The following CALD1 variants were observed in gnomAD, a reference collection of about 807,000 sequenced individuals.
CALD1 encodes the protein caldesmon.
CALD1 carries 33 observed loss-of-function variants against 99.9 expected under a neutral mutation model. The ratio of observed to expected loss-of-function variants is 0.33; its 90% CI spans 0.25 to 0.44. The LOEUF (loss-of-function observed/expected upper bound fraction) is 0.44, where lower values mean the gene tolerates loss of function less well. CALD1 is among the 20% of genes least tolerant of loss of function. CALD1 has a pLI of 1.00. For synonymous variants in CALD1, 310 were observed against 325.0 expected (o/e 0.95, Z 0.50); for missense variants, 861 against 962.1 (o/e 0.89, Z 1.39).
intron 2 of CALD1, among the ~76,000 whole-genome samples, chr7:134,849,405 C>T (rs532975795): frequency 2.0e-5 from 3 of 152,220 alleles, no homozygotes; most frequent in South Asian, 2.1e-4. Flanking sequence ...TCAGGACTCC[C>T]GAGGATACCA....
the CALD1 span, among the ~76,000 whole-genome samples, chr7:134,724,079 C>T: frequency 6.6e-6 from 1 of 152,196 alleles, no homozygotes; most frequent in Non-Finnish European, 1.5e-5. Context: ...AGAATCTGTC[C>T]ATAAAAGGGA....
At chr7:134,772,544 T>C (rs1208390199) in intron 1 of CALD1, among the ~76,000 whole-genome samples, 1 of 152,244 alleles carries the variant, frequency 6.6e-6, no homozygotes, top group East Asian at 1.9e-4. Flanking sequence ...CCTACTAACA[T>C]GGTCTTGCCT....
intron 1 of CALD1, among the ~76,000 whole-genome samples, chr7:134,826,279 C>T (rs1202355241): frequency 1.3e-5 from 2 of 152,158 alleles, no homozygotes; most frequent in African/African-American, 2.4e-5. Flanking sequence ...TACTCACCCA[C>T]GAGCACAGCT....
intron 13 of CALD1, among the ~76,000 whole-genome samples, chr7:134,964,836 C>T (rs1275382666): frequency 6.6e-6 from 1 of 152,138 alleles, no homozygotes; most frequent in Non-Finnish European, 1.5e-5. Flanking sequence ...GATCAATAAA[C>T]AGTAAGTCCT....
At chr7:134,733,637 T>C in the CALD1 span, among the ~76,000 whole-genome samples, 7 of 151,430 alleles carry the variant, frequency 4.6e-5, no homozygotes, top group African/African-American at 1.7e-4. Context: ...TGAAACCCCG[T>C]CTCTACTAAA....
intron 1 of CALD1, among the ~76,000 whole-genome samples, chr7:134,764,802 A>G (rs1366829700): frequency 6.6e-6 from 1 of 152,156 alleles, no homozygotes. Flanking sequence ...AGAAGCACCA[A>G]GACTGAAGTC....
chr7:134,964,379 A>G (rs978192424), intron 13 of CALD1, among the ~76,000 whole-genome samples: 5 of 152,162 alleles, frequency 3.3e-5, no homozygotes, highest in African/African-American at 1.2e-4. Flanking sequence ...GGACTGTTAA[A>G]CTTTCATCCC....
intron 3 of CALD1, among the ~76,000 whole-genome samples, chr7:134,883,843 C>A (rs945615590): frequency 6.6e-6 from 1 of 152,234 alleles, no homozygotes; most frequent in Non-Finnish European, 1.5e-5. Context: ...CGCGGTGGCT[C>A]ACGCCTGTAA....
intron 1 of CALD1, among the ~76,000 whole-genome samples, chr7:134,826,752 C>T (rs1395186753): frequency 6.6e-6 from 1 of 152,076 alleles, no homozygotes; most frequent in Admixed American, 6.6e-5. Context: ...TAATTGGGGC[C>T]TCCATCTCAA....
chr7:134,831,660 G>T (rs1799227161), intron 1 of CALD1, among the ~76,000 whole-genome samples: 1 of 152,056 alleles, frequency 6.6e-6, no homozygotes, highest in Non-Finnish European at 1.5e-5. Context: ...ATGCATATTT[G>T]TATACTTTCT....
At chr7:134,730,937 C>G in the CALD1 span, among the ~76,000 whole-genome samples, 1 of 152,132 alleles carries the variant, frequency 6.6e-6, no homozygotes, top group African/African-American at 2.4e-5. Flanking sequence ...CATTGTTCAT[C>G]TATTGCCACC....
chr7:134,845,107 C>T (rs1275645822), intron 2 of CALD1, among the ~76,000 whole-genome samples: 3 of 152,102 alleles, frequency 2.0e-5, no homozygotes, highest in African/African-American at 4.8e-5. Context: ...ACTCTTTTAG[C>T]GATTACATTA....
chr7:134,713,519 G>A, the CALD1 span, among the ~76,000 whole-genome samples: 1 of 152,156 alleles, frequency 6.6e-6, no homozygotes, highest in Non-Finnish European at 1.5e-5. Flanking sequence ...ACTGTGTTTT[G>A]TGGGACATGA....
intron 1 of CALD1, among the ~76,000 whole-genome samples, chr7:134,793,707 C>G (rs1797631694): frequency 6.6e-6 from 1 of 152,050 alleles, no homozygotes; most frequent in Admixed American, 6.6e-5. Flanking sequence ...AAATGCAGTC[C>G]CGAAGTGGGA....
At chr7:134,778,245 T>C (rs1425989513), upstream of CALD1, among the ~76,000 whole-genome samples, 2 of 152,196 alleles carry the variant, frequency 1.3e-5, no homozygotes, top group African/African-American at 4.8e-5. Context: ...GCTGGAAGGC[T>C]GAAGAAGGAA....
intron 8 of CALD1, chr7:134,948,186 T>A (rs114037157): frequency 6.3e-6 from 1 of 158,532 alleles, no homozygotes; most frequent in African/African-American, 2.4e-5. Flanking sequence ...GGTTTTCTAA[T>A]AGTTGGAGAG....
rs373564861 is a variant in CALD1, at chr7:134,748,677, T to C, written c.-130+4314T>C. Among the ~76,000 whole-genome samples the C allele has an allele frequency of 2.9e-3, 435 of 152,020 alleles. 1 individual carries two copies. The highest frequency in any genetic ancestry group is 5.8e-3 in the African/African-American group (241 of 41,464). On this transcript the variant is annotated intron_variant, in intron 1 of 13. Transcript: ENST00000417172. ...AGTGAGCCAAGATTGTGCCATTGCATTCCAGCCTGTGCAACAAGAGTGAAA... is the reference window on the plus strand; with the variant it reads ...AGTGAGCCAAGATTGTGCCATTGCACTCCAGCCTGTGCAACAAGAGTGAAA...
intron 1 of CALD1, among the ~76,000 whole-genome samples, chr7:134,796,432 G>A (rs1797747211): frequency 6.6e-6 from 1 of 152,060 alleles, no homozygotes; most frequent in South Asian, 2.1e-4. Context: ...TTGGTTTTGG[G>A]GGAAGATAGA....
Position 134,935,717 on chromosome 7 carries a change from TA to T in CALD1, c.1342del (p.Arg448GlufsTer52). 6.2e-7 allele frequency: 1 copy of T among 1,604,938 alleles called. No individual in the cohort carries two copies. The highest frequency in any genetic ancestry group is 8.5e-7 in the Non-Finnish European group (1 of 1,176,468). On this transcript the variant is annotated frameshift_variant, in exon 6 of 15. Coordinates refer to ENST00000361675, the MANE Select transcript of CALD1 (RefSeq NM_033138.4). LOFTEE classifies it high-confidence loss of function. ...GEEKGTKVQA[K>X]REKLQEDKPT... ...AAGAGAAGGGAACTAAAGTGCAAGC[TA>T]AAAGAGAAAAGCTCCAAGAAGACAA...
Sources: allele counts gnomAD v4.1 joint callset (sites outside exome capture counted in the v4.1 genomes callset), GRCh38; gene constraint gnomAD v4.1.1; transcripts MANE v1.5; gene names NCBI Gene and HGNC (gene_info 2026-07-23, HGNC 2026-07-21).